Variants in SPRY3 observed in about 807,000 individuals in gnomAD.
The protein encoded by SPRY3 is sprouty RTK signaling antagonist 3, also known as protein sprouty homolog 3.
In SPRY3, 15 loss-of-function variants were observed where a neutral mutation model predicts 20.2. That is an observed-to-expected ratio of 0.74 (90% confidence interval 0.50 to 1.14). The LOEUF (loss-of-function observed/expected upper bound fraction) is 1.14. Ranked by LOEUF, SPRY3 falls within the 50% of genes most tolerant of loss-of-function variation. The pLI, the probability that SPRY3 is intolerant of heterozygous loss-of-function variation, is 0.00. For synonymous variants in SPRY3, 143 were observed against 136.5 expected, an observed-to-expected ratio of 1.05 and a Z score of -0.33; for missense variants, 364 against 363.9, an observed-to-expected ratio of 1.00 and a Z score of 0.00.
intron 3 of SPRY3, among the ~76,000 whole-genome samples, chrX:155,768,732 G>C (rs1387591947): frequency 6.6e-6 from 1 of 152,204 alleles, no homozygotes; most frequent in Admixed American, 6.5e-5. Flanking sequence ...ATGTCTCTGT[G>C]TGGCATATGG....
At chrX:155,752,523 A>G (rs2091268365) in intron 2 of SPRY3, among the ~76,000 whole-genome samples, 1 of 151,632 alleles carries the variant, frequency 6.6e-6, no homozygotes, top group South Asian at 2.1e-4. Context: ...TGATATATAT[A>G]TATATAACTA....
intron 2 of SPRY3, among the ~76,000 whole-genome samples, chrX:155,697,633 GGTGTGTGT>G (rs746391298): frequency 2.9e-5 from 3 of 104,742 alleles, no homozygotes; most frequent in Non-Finnish European, 3.9e-5. Flanking sequence ...TGTAGGTAGG[GGTGTGTGT>G]GTGTGTGTGT....
intron 1 of SPRY3, among the ~76,000 whole-genome samples, chrX:155,648,651 G>T (rs984712192): frequency 9.0e-6 from 1 of 111,456 alleles, no homozygotes; most frequent in Non-Finnish European, 1.9e-5. Context: ...CTGCTCCATT[G>T]GTCTATATAT....
At chrX:155,757,146 T>C (rs1351598696) in intron 2 of SPRY3, among the ~76,000 whole-genome samples, 1 of 152,188 alleles carries the variant, frequency 6.6e-6, no homozygotes, top group African/African-American at 2.4e-5. Flanking sequence ...ATATTTAACA[T>C]GGTCTGCAAG....
chrX:155,634,851 A>G lies in SPRY3; in HGVS notation c.-440-22016A>G, dbSNP rs782415878. Among the ~76,000 whole-genome samples, 104 of 106,951 alleles carry G rather than the reference A, an allele frequency of 9.7e-4. No homozygotes were observed. The Admixed American group carries it at 1.0e-2, about 10-fold the overall frequency. The allele number at this position is 106,951 out of a possible 115,157, so 92.9% of individuals were successfully genotyped here. A position where few individuals can be genotyped will look rare whatever the true frequency, so the allele number is the denominator to read the frequency against. On this transcript the variant is annotated intron_variant, in intron 1 of 3. Transcript: ENST00000675360. ...GCTCCTGGGCCTAAGTTATATATAT[A>G]TATTATATATGTACACTTTATATAT...
chrX:155,627,046 A>T (rs1557350003), intron 1 of SPRY3, among the ~76,000 whole-genome samples: 1 of 111,895 alleles, frequency 8.9e-6, no homozygotes, highest in Non-Finnish European at 1.9e-5. Flanking sequence ...CTACATAATT[A>T]ACAAAAGTGC....
intron 2 of SPRY3, among the ~76,000 whole-genome samples, chrX:155,710,856 T>A (rs1295816915): frequency 1.3e-5 from 2 of 151,510 alleles, no homozygotes; most frequent in Non-Finnish European, 3.0e-5. Flanking sequence ...TAGGTTTTTT[T>A]AGGGTTTTTC....
intron 2 of SPRY3, among the ~76,000 whole-genome samples, chrX:155,724,988 A>G (rs1007395141): frequency 1.3e-5 from 2 of 152,196 alleles, no homozygotes; most frequent in South Asian, 2.1e-4. Context: ...TTTGAGATAC[A>G]TTCCATCAAT....
At chrX:155,703,994 C>G (rs969496621) in intron 2 of SPRY3, among the ~76,000 whole-genome samples, 1 of 151,836 alleles carries the variant, frequency 6.6e-6, no homozygotes, top group Admixed American at 6.6e-5. Context: ...TGTAATAATG[C>G]AAACCCTCGC....
chrX:155,619,060 T>C (rs1179052783), intron 1 of SPRY3, among the ~76,000 whole-genome samples: 1 of 105,282 alleles, frequency 9.5e-6, no homozygotes, highest in Admixed American at 1.1e-4. Context: ...GAATCCAATC[T>C]ACCAAGTTTT....
At chrX:155,750,953 G>A (rs2124582357) in intron 2 of SPRY3, among the ~76,000 whole-genome samples, 1 of 151,968 alleles carries the variant, frequency 6.6e-6, no homozygotes, top group South Asian at 2.1e-4. Flanking sequence ...GAAGGGAAAA[G>A]AAGTTAATGG....
At chrX:155,724,658 A>G (rs770204279) in intron 2 of SPRY3, among the ~76,000 whole-genome samples, 132 of 152,280 alleles carry the variant, frequency 8.7e-4, no homozygotes, top group African/African-American at 3.0e-3. Flanking sequence ...TGATTTTTGC[A>G]CATTGATTTT....
intron 1 of SPRY3, among the ~76,000 whole-genome samples, chrX:155,627,423 A>G (rs2067891831): frequency 8.9e-6 from 1 of 112,066 alleles, no homozygotes; most frequent in Non-Finnish European, 1.9e-5. Flanking sequence ...TTTATGGCTA[A>G]ATAATATTCC....
chrX:155,696,867 A>G (rs1216202140), intron 2 of SPRY3, among the ~76,000 whole-genome samples: 1 of 111,971 alleles, frequency 8.9e-6, no homozygotes, highest in Admixed American at 9.5e-5. Flanking sequence ...GAACTTTTAT[A>G]GTTATTCCTT....
At chrX:155,759,255 C>T (rs1217029090) in intron 2 of SPRY3, among the ~76,000 whole-genome samples, 1 of 152,138 alleles carries the variant, frequency 6.6e-6, no homozygotes, top group African/African-American at 2.4e-5. Flanking sequence ...AACTCCTGAC[C>T]TCAAGTGATC....
chrX:155,686,872 G>A (rs977017449), intron 2 of SPRY3, among the ~76,000 whole-genome samples: 1 of 111,788 alleles, frequency 8.9e-6, no homozygotes, highest in Admixed American at 9.5e-5. Flanking sequence ...TGGAGGCTGG[G>A]AACATGAGAA....
chrX:155,688,412 T>G (rs190057286), intron 2 of SPRY3, among the ~76,000 whole-genome samples: 1 of 111,309 alleles, frequency 9.0e-6, no homozygotes, highest in African/African-American at 3.3e-5. Flanking sequence ...GTAATGGAAT[T>G]ACTGGGTCAG....
exon 4 of SPRY3, chrX:155,774,835 C>T: frequency 7.2e-7 from 1 of 1,392,834 alleles, no homozygotes; most frequent in Non-Finnish European, 9.8e-7. Context: ...GATAAACTAG[C>T]CAAAGTTAGG....
chrX:155,779,167 C>A (rs2091448421), downstream of SPRY3: 1 of 167,034 alleles, frequency 6.0e-6, no homozygotes, highest in African/African-American at 2.4e-5. Context: ...ATTTACCCTT[C>A]TACATTTTTG....
Sources: allele counts gnomAD v4.1 joint callset (sites outside exome capture counted in the v4.1 genomes callset), GRCh38; gene constraint gnomAD v4.1.1; transcripts MANE v1.5; gene names NCBI Gene and HGNC (gene_info 2026-07-23, HGNC 2026-07-21).